VPS13C: variants seen among roughly 807,000 people sequenced by gnomAD.
The protein encoded by VPS13C is intermembrane lipid transfer protein VPS13C.
A neutral mutation model predicts 456.8 loss-of-function variants in VPS13C; 358 were observed. The observed-to-expected ratio is 0.78, with a 90% CI of 0.72 to 0.86. VPS13C has a LOEUF of 0.86. Ranked by LOEUF, VPS13C falls within the 40% of genes least tolerant of loss-of-function variation. The probability of loss-of-function intolerance (pLI) is 0.00; values close to 1 mark genes in which losing one functional copy is unlikely to be tolerated. For synonymous variants in VPS13C, 1,578 were observed against 1,486.7 expected (o/e 1.06, Z -1.41); for missense variants, 4,818 against 4,385.4 (o/e 1.10, Z -2.79).
Position 61,904,990 on chromosome 15 carries a change from G to A in VPS13C, c.9105+2274C>T, listed in dbSNP as rs144500703. Among the ~76,000 whole-genome samples, 599 of 152,112 alleles carry A rather than the reference G, an allele frequency of 3.9e-3. 4 individuals are homozygous for A. The highest frequency in any genetic ancestry group is 0.014 in the African/African-American group (563 of 41,532). On this transcript the variant is annotated intron_variant, in intron 66 of 84. Coordinates refer to ENST00000644861, the MANE Select transcript of VPS13C (RefSeq NM_020821.3). The stretch of plus-strand genomic sequence containing the variant: ...GTTACCAAAGGATGAGAAGGGGATT[G>A]GAGGGAACAAGAGAAGTTGGTTAAT...
At chr15:61,925,161 CAT>C (rs1054983341) in intron 53 of VPS13C, among the ~76,000 whole-genome samples, 55 of 152,084 alleles carry the variant, frequency 3.6e-4, no homozygotes, top group African/African-American at 1.3e-3. Context: ...CTTCCCACCC[CAT>C]ATCTCTTCCC....
Position 62,009,412 on chromosome 15 carries a change from G to A in VPS13C, c.1012-651C>T, listed in dbSNP as rs552177675. On this transcript the variant is annotated intron_variant, in intron 13 of 84. Coordinates refer to ENST00000644861, the MANE Select transcript of VPS13C (RefSeq NM_020821.3). ...AGCTTCCTCCTCTCTAATTTTTCAC[G>A]GAATGCAGTTCTAACTAAAGGTTAC... 1.8e-4 allele frequency among the ~76,000 whole-genome samples: 27 copies of A among 151,094 alleles called. No homozygotes were observed. The South Asian group carries it at 3.6e-3, about 20-fold the overall frequency.
rs1014872775 is a variant in VPS13C at position 61,891,290 on chromosome 15, T to C, written c.9106-890A>G. Among the ~76,000 whole-genome samples the C allele has an allele frequency of 2.6e-5, 4 of 152,112 alleles. No homozygotes were observed. The South Asian group carries it at 8.3e-4, about 31-fold the overall frequency. ...CAATAAGCAGTACGAGTACCTACTATGTACTTTCCATTCCATGCTTTCCAG... is the reference window on the plus strand; with the variant it reads ...CAATAAGCAGTACGAGTACCTACTACGTACTTTCCATTCCATGCTTTCCAG... On this transcript the variant is annotated intron_variant, in intron 66 of 84. Transcript: ENST00000644861.
intron 48 of VPS13C, among the ~76,000 whole-genome samples, chr15:61,936,104 A>G (rs2044218338): frequency 1.3e-5 from 2 of 152,222 alleles, no homozygotes; most frequent in Admixed American, 1.3e-4. Flanking sequence ...GGCTGAATTC[A>G]AAAGGTTCAC....
intron 27 of VPS13C, among the ~76,000 whole-genome samples, 190 bp downstream of exon 27, chr15:61,972,435 T>C (rs1279082314): frequency 6.6e-6 from 1 of 152,104 alleles, no homozygotes; most frequent in African/African-American, 2.4e-5. Context: ...AAGCATTTCA[T>C]TGTTAAAAAT....
chr15:61,956,298 G>A lies in VPS13C; in HGVS notation c.4166-1744C>T, dbSNP rs137876348. On this transcript the variant is annotated intron_variant, in intron 37 of 84. Transcript: ENST00000644861. ...ATTAAGTACACATGGACACAAAGAT[G>A]GGAACAACAGACACTGGGGACTACT... 1.8e-3 allele frequency among the ~76,000 whole-genome samples: 278 copies of A among 151,708 alleles called. 2 individuals are homozygous for A. Among genetic ancestry groups the A allele is most frequent in the African/African-American group, 6.3e-3 (262 of 41,332 alleles).
chr15:61,995,449 T>G (rs893862702), intron 16 of VPS13C, among the ~76,000 whole-genome samples: 2 of 152,176 alleles, frequency 1.3e-5, no homozygotes. Flanking sequence ...TGCAACTAGT[T>G]TCTAAACAAT....
At chr15:61,944,505 G>A (rs958937647) in intron 45 of VPS13C, among the ~76,000 whole-genome samples, 8 of 152,108 alleles carry the variant, frequency 5.3e-5, no homozygotes, top group Non-Finnish European at 1.2e-4. Flanking sequence ...GCAGCTGGAG[G>A]CCATTATCCT....
intron 67 of VPS13C, among the ~76,000 whole-genome samples, chr15:61,884,848 G>A (rs1034810931): frequency 6.6e-6 from 1 of 152,012 alleles, no homozygotes; most frequent in African/African-American, 2.4e-5. Context: ...TGGTCAATGA[G>A]AATTTATTAT....
intron 1 of VPS13C, among the ~76,000 whole-genome samples, chr15:62,057,779 G>A (rs185202464): frequency 3.3e-5 from 5 of 152,260 alleles, no homozygotes; most frequent in African/African-American, 7.2e-5. Context: ...ATAAAATTAC[G>A]ACATTTTTAA....
rs1893979663 is a variant in VPS13C, at chr15:61,857,405, C to T, written c.10953-996G>A. On this transcript the variant is annotated intron_variant, in intron 82 of 84. Transcript: ENST00000644861. Reference sequence around the variant, plus strand: ...TGGGTAAGGGAAATGACAGCCCAGACAAAAGGAGGAACACACTGACATATA... The same window carrying T: ...TGGGTAAGGGAAATGACAGCCCAGATAAAAGGAGGAACACACTGACATATA... Among the ~76,000 whole-genome samples the T allele has an allele frequency of 4.0e-5, 6 of 151,886 alleles. 2 individuals carry two copies. In the South Asian group the frequency reaches 1.2e-3, roughly 32 times the overall value.
intron 82 of VPS13C, 25 bp from the exon 83 acceptor site, chr15:61,856,434 C>T: frequency 1.9e-6 from 3 of 1,609,668 alleles, no homozygotes. Context: ...AAAACAAAAA[C>T]TTACAGTAAA....
At chr15:62,024,759 G>C (rs573473689) in intron 6 of VPS13C, among the ~76,000 whole-genome samples, 16 of 152,160 alleles carry the variant, frequency 1.1e-4, no homozygotes, top group African/African-American at 3.4e-4. Flanking sequence ...TCCCTGTCCT[G>C]TTCTATCTCC....
rs1158601850 is a variant in VPS13C at position 61,934,351 on chromosome 15, AG to A, written c.5756-21del. ...CTTGTTCTAATGGTGAAAATTTAAAAGCTTTTAAGTAGGTACGTAATTTTAT... is the reference window on the plus strand; with the variant it reads ...CTTGTTCTAATGGTGAAAATTTAAAACTTTTAAGTAGGTACGTAATTTTAT... On this transcript the variant is annotated intron_variant, in intron 48 of 84. Transcript: ENST00000644861. 7.1e-7 allele frequency: 1 copy of A among 1,401,454 alleles called. No homozygotes were observed. Among genetic ancestry groups the A allele is most frequent in the Non-Finnish European group, 9.6e-7 (1 of 1,042,946 alleles). The allele number at this position is 1,401,454 out of a possible 1,614,324, so 86.8% of individuals were successfully genotyped here. A position where few individuals can be genotyped will look rare whatever the true frequency, so the allele number is the denominator to read the frequency against.
At position 61,983,991 on chromosome 15, in the gene VPS13C, G is replaced by C; in HGVS notation, c.1743C>G (p.His581Gln). 1 of 1,613,694 alleles carries C rather than the reference G, an allele frequency of 6.2e-7. No individual in the cohort carries two copies. Among genetic ancestry groups the C allele is most frequent in the East Asian group, 2.2e-5 (1 of 44,868 alleles). The change falls in exon 20 of 85, where the codon CAC (histidine) becomes CAG (glutamine). Residue 581 changes from histidine (H) to glutamine (Q), a missense_variant. His to Gln is a conservative substitution (Grantham distance 24). Coordinates refer to ENST00000644861, the MANE Select transcript of VPS13C (RefSeq NM_020821.3). ...GCTGTCTCAAACCTGTTATATACCAGTGTTCTAATTTCGCTTCTACCCTAT... is the reference window on the plus strand; with the variant it reads ...GCTGTCTCAAACCTGTTATATACCACTGTTCTAATTTCGCTTCTACCCTAT... ...QALKVEAKLE[H>Q]WYITGLRQQD... is the part of the protein sequence containing the mutation.
At chr15:61,936,819 G>T in intron 47 of VPS13C, 69 bp from the exon 48 acceptor site, 1 of 1,430,500 alleles carries the variant, frequency 7.0e-7, no homozygotes, top group Non-Finnish European at 9.4e-7. Context: ...TCTATATCTC[G>T]ATTTGTGGTT....
intron 1 of VPS13C, among the ~76,000 whole-genome samples, chr15:62,048,311 T>C (rs921518723): frequency 7.4e-6 from 1 of 135,148 alleles, no homozygotes; most frequent in Non-Finnish European, 1.5e-5. Context: ...TGTCCATGTG[T>C]TCTCATTGTT....
rs180678016 is a variant in VPS13C at position 62,006,989 on chromosome 15, A to T, written c.1290+319T>A. On this transcript the variant is annotated intron_variant, in intron 15 of 84. Coordinates refer to ENST00000644861, the MANE Select transcript of VPS13C (RefSeq NM_020821.3). ...TAAATACAGGATGTTTACTAACAAA[A>T]CAAGATATATCTATCTAATAAACAC... Among the ~76,000 whole-genome samples the T allele has an allele frequency of 1.1e-3, 174 of 152,350 alleles. 1 individual carries two copies. The highest frequency in any genetic ancestry group is 1.9e-3 in the South Asian group (9 of 4,832).
At chr15:62,005,729 GT>G (rs1195352329) in intron 15 of VPS13C, among the ~76,000 whole-genome samples, 1 of 151,126 alleles carries the variant, frequency 6.6e-6, no homozygotes, top group Non-Finnish European at 1.5e-5. Flanking sequence ...TTGAGAGGGA[GT>G]TTCGCTCTTG....
Sources: allele counts gnomAD v4.1 joint callset (sites outside exome capture counted in the v4.1 genomes callset), GRCh38; gene constraint gnomAD v4.1.1; transcripts MANE v1.5; gene names NCBI Gene and HGNC (gene_info 2026-07-23, HGNC 2026-07-21).